Variants in TRPC1 observed in about 807,000 individuals in gnomAD.
The protein encoded by TRPC1 is short transient receptor potential channel 1.
In TRPC1, 42 loss-of-function variants were observed where a neutral mutation model predicts 88.2. The ratio of observed to expected loss-of-function variants is 0.48; its 90% CI spans 0.37 to 0.62. The LOEUF is 0.62. Ranked by LOEUF, TRPC1 falls within the 20% of genes least tolerant of loss-of-function variation. TRPC1 has a pLI of 0.00. For synonymous variants in TRPC1, 288 were observed against 331.8 expected (o/e 0.87, Z 1.43); for missense variants, 699 against 957.3 (o/e 0.73, Z 3.56).
At chr3:142,784,079 C>T (rs1936051738) in intron 6 of TRPC1, among the ~76,000 whole-genome samples, 1 of 151,942 alleles carries the variant, frequency 6.6e-6, no homozygotes, top group Non-Finnish European at 1.5e-5. Flanking sequence ...TTAAGAAATC[C>T]GCAGTGCTTT....
intron 4 of TRPC1, among the ~76,000 whole-genome samples, chr3:142,750,686 C>T (rs536146249): frequency 6.6e-6 from 1 of 152,096 alleles, no homozygotes; most frequent in Non-Finnish European, 1.5e-5. Context: ...CAATGATAGA[C>T]TGGATAAAGA....
chr3:142,753,858 G>T (rs1934865988), intron 4 of TRPC1, among the ~76,000 whole-genome samples: 1 of 152,124 alleles, frequency 6.6e-6, no homozygotes, highest in Non-Finnish European at 1.5e-5. Context: ...ATTTTGGGAG[G>T]CCAAGGCGGG....
intron 3 of TRPC1, among the ~76,000 whole-genome samples, chr3:142,746,213 G>A (rs1038477025): frequency 1.4e-4 from 21 of 152,100 alleles, no homozygotes; most frequent in Admixed American, 4.6e-4. Flanking sequence ...AATTCATTCT[G>A]TATTCTTGGC....
At chr3:142,745,783 G>A (rs776331162) in intron 3 of TRPC1, among the ~76,000 whole-genome samples, 41 of 151,468 alleles carry the variant, frequency 2.7e-4, no homozygotes, top group Non-Finnish European at 5.6e-4. Flanking sequence ...ACTTAGTTTC[G>A]CTCTTGTTTT....
intron 5 of TRPC1, among the ~76,000 whole-genome samples, chr3:142,779,275 T>G (rs1935881983): frequency 6.6e-6 from 1 of 152,184 alleles, no homozygotes; most frequent in African/African-American, 2.4e-5. Flanking sequence ...GAGTTAAAAC[T>G]AAAAGTAGGA....
chr3:142,725,974 ATAT>A (rs2108000706), intron 1 of TRPC1, among the ~76,000 whole-genome samples: 1 of 152,286 alleles, frequency 6.6e-6, no homozygotes, highest in African/African-American at 2.4e-5. Flanking sequence ...AATATTAATA[ATAT>A]TGTTAAAGTA....
intron 4 of TRPC1, among the ~76,000 whole-genome samples, chr3:142,771,103 T>G (rs1286174666): frequency 1.3e-5 from 2 of 152,196 alleles, no homozygotes; most frequent in African/African-American, 2.4e-5. Flanking sequence ...ACTGCAAGGA[T>G]GGCACCAAGC....
chr3:142,747,356 G>A (rs1934596156), intron 3 of TRPC1, among the ~76,000 whole-genome samples: 1 of 152,016 alleles, frequency 6.6e-6, no homozygotes, highest in Non-Finnish European at 1.5e-5. Context: ...AAAAAAGTAA[G>A]TATTAGAAAA....
At chr3:142,794,176 G>A (rs1936381326) in intron 9 of TRPC1, among the ~76,000 whole-genome samples, 1 of 151,994 alleles carries the variant, frequency 6.6e-6, no homozygotes, top group Non-Finnish European at 1.5e-5. Context: ...TAAACTATCT[G>A]TCCTTTTGAT....
chr3:142,768,403 A>G (rs1318402187), intron 4 of TRPC1, among the ~76,000 whole-genome samples: 1 of 152,028 alleles, frequency 6.6e-6, no homozygotes, highest in African/African-American at 2.4e-5. Flanking sequence ...TAGTTTATCC[A>G]TTCTACCTCT....
intron 1 of TRPC1, among the ~76,000 whole-genome samples, chr3:142,735,333 A>G (rs1934088469): frequency 1.3e-5 from 2 of 152,128 alleles, no homozygotes; most frequent in South Asian, 4.1e-4. Flanking sequence ...CTTTTTCTGT[A>G]TCATGAAATC....
At chr3:142,727,102 A>G (rs1334684847) in intron 1 of TRPC1, among the ~76,000 whole-genome samples, 1 of 152,250 alleles carries the variant, frequency 6.6e-6, no homozygotes, top group Admixed American at 6.5e-5. Flanking sequence ...CAGAAAAGAC[A>G]CATCCATATT....
In TRPC1 at chr3:142,806,117, A is replaced by G; in HGVS notation, c.2264A>G (p.Gln755Arg). ...SMRQKMQSTD[Q>R]ATVENLNELR... is the part of the protein sequence containing the mutation. ...AGACAGAAGATGCAAAGTACAGATC[A>G]GGCAACTGTGGAAAATCTAAACGAA... The change falls in exon 13 of 13, where the codon CAG (glutamine) becomes CGG (arginine). Residue 755 changes from glutamine (Q) to arginine (R), a missense_variant. Around this residue, in one of 4 missense-constraint regions of TRPC1, gnomAD observed 105 missense variants for 141.7 expected, o/e 0.74. Transcript: ENST00000476941. 1 of 1,613,960 alleles carries G rather than the reference A, an allele frequency of 6.2e-7. No homozygotes were observed.
At position 142,784,869 on chromosome 3, in the gene TRPC1, T is replaced by C; in HGVS notation, c.1126T>C (p.Phe376Leu). ...LCYLIAPKSQ[F>L]GRIIHTPFMK... ...TTATTTGATAGCTCCCAAATCTCAG[T>C]TTGGCAGAATCATTCACACACCTTT... The change falls in exon 7 of 13, where the codon TTT becomes CTT. Residue 376 changes from phenylalanine to leucine, a missense_variant. Physicochemically the swap from Phe to Leu is conservative, Grantham distance 22. Coordinates refer to ENST00000476941, the MANE Select transcript of TRPC1 (RefSeq NM_001251845.2). The C allele has an allele frequency of 6.2e-7, 1 of 1,614,150 alleles. No individual in the cohort carries two copies. Among genetic ancestry groups the C allele is most frequent in the Non-Finnish European group, 8.5e-7 (1 of 1,180,008 alleles).
At chr3:142,777,877 C>T (rs1054124421) in intron 5 of TRPC1, 114 bp downstream of exon 5, 5 of 1,147,228 alleles carry the variant, frequency 4.4e-6, no homozygotes, top group Admixed American at 2.8e-5. Context: ...GAACACTACA[C>T]CTTGTTGCCA....
At chr3:142,760,953 A>G (rs576174648) in intron 4 of TRPC1, among the ~76,000 whole-genome samples, 1 of 152,062 alleles carries the variant, frequency 6.6e-6, no homozygotes, top group East Asian at 1.9e-4. Context: ...CTGCAACTTT[A>G]CTGAATTTTT....
chr3:142,805,192 A>C (rs1936759133), intron 12 of TRPC1, among the ~76,000 whole-genome samples: 1 of 141,664 alleles, frequency 7.1e-6, no homozygotes, highest in African/African-American at 3.0e-5. Context: ...AGAATGGGAG[A>C]TAGTACTGAG....
chr3:142,751,297 A>AT (rs1159682205), intron 4 of TRPC1, among the ~76,000 whole-genome samples: 1 of 152,008 alleles, frequency 6.6e-6, no homozygotes, highest in Non-Finnish European at 1.5e-5. Context: ...CAGGTATACC[A>AT]TTTTTTAATA....
At chr3:142,759,182 T>G (rs1935091340) in intron 4 of TRPC1, among the ~76,000 whole-genome samples, 1 of 152,162 alleles carries the variant, frequency 6.6e-6, no homozygotes, top group African/African-American at 2.4e-5. Flanking sequence ...ATCCTTTGGG[T>G]ATATACCCAG....
Sources: gnomAD v4.1 joint callset for allele counts (sites outside exome capture counted in the v4.1 genomes callset) on GRCh38, gnomAD v4.1.1 for gene constraint, gnomAD v4.1.1 regional missense constraint, MANE v1.5 for transcripts, NCBI Gene and HGNC (gene_info 2026-07-23, HGNC 2026-07-21) for gene names.